CNPY2: variants seen among roughly 807,000 people sequenced by gnomAD.
CNPY2 encodes protein canopy homolog 2.
CNPY2 carries 19 observed loss-of-function variants against 25.5 expected under a neutral mutation model. That is an observed-to-expected ratio of 0.74 (90% CI 0.52 to 1.09). CNPY2 has a LOEUF of 1.09. CNPY2 is among the 50% of genes least tolerant of loss of function. The probability of loss-of-function intolerance (pLI) is 0.00; values close to 1 mark genes in which losing one functional copy is unlikely to be tolerated. For synonymous variants in CNPY2, 82 were observed against 85.0 expected (o/e 0.96, Z 0.19); for missense variants, 214 against 233.6 (o/e 0.92, Z 0.55).
Position 56,311,063 on chromosome 12 carries a change from C to A in CNPY2, c.409-9G>T. The A allele has an allele frequency of 6.2e-7, 1 of 1,613,870 alleles. No homozygotes were observed. The highest frequency in any genetic ancestry group is 8.5e-7 in the Non-Finnish European group (1 of 1,179,898). On this transcript the variant is annotated splice_polypyrimidine_tract_variant and intron_variant, in intron 4 of 5. Coordinates refer to ENST00000273308, the MANE Select transcript of CNPY2 (RefSeq NM_014255.7). ...TCCACAATGCTCTCACACTGCCAACCCAAGGGAGAAATGGGTGACACAGGG... is the reference window on the plus strand; with the variant it reads ...TCCACAATGCTCTCACACTGCCAACACAAGGGAGAAATGGGTGACACAGGG...
At chr12:56,315,297 T>C in intron 1 of CNPY2, 55 bp from the exon 2 acceptor site, 1 of 1,067,372 alleles carries the variant, frequency 9.4e-7, no homozygotes, top group Non-Finnish European at 1.4e-6. Context: ...CATTTTTCCC[T>C]GACCCCCCCA....
At position 56,310,608 on chromosome 12, in the gene CNPY2, A is replaced by T. The variant is rs1188973634; in HGVS notation, c.506-13T>A. The T allele has an allele frequency of 6.2e-7, 1 of 1,614,150 alleles. No individual in the cohort carries two copies. Among genetic ancestry groups the T allele is most frequent in the Non-Finnish European group, 8.5e-7 (1 of 1,179,960 alleles). On this transcript the variant is annotated splice_polypyrimidine_tract_variant and intron_variant, in intron 5 of 5. Coordinates refer to ENST00000273308, the MANE Select transcript of CNPY2 (RefSeq NM_014255.7). ...TGGTCACAAAGATCTGCAAATGGCA[A>T]ACAATTTAAAGGAATATGCCATTCT...
intron 3 of CNPY2, chr12:56,314,562 T>C (rs1331627045): frequency 3.2e-6 from 4 of 1,268,976 alleles, no homozygotes; most frequent in African/African-American, 1.5e-5. Flanking sequence ...TGTTTGCATG[T>C]ATACCACAGT....
rs1393900540 is a variant in CNPY2, at chr12:56,315,304, C to G, written c.-25-62G>C. ...GCCGACTCCATTTTTCCCTGACCCC[C>G]CCAATCCTCACCCCAAGGCTTTCAA... On this transcript the variant is annotated intron_variant, in intron 1 of 5. Transcript: ENST00000273308. 3 of 960,866 alleles carry G rather than the reference C, an allele frequency of 3.1e-6. No homozygotes were observed. In the Admixed American group the frequency reaches 6.6e-5, roughly 21 times the overall value. 59.5% of individuals were successfully genotyped at this position (960,866 alleles called of 1,614,324 possible). A position where few individuals can be genotyped will look rare whatever the true frequency, so the allele number is the denominator to read the frequency against.
In CNPY2 at chr12:56,314,964, A is replaced by C; in HGVS notation, c.91T>G (p.Cys31Gly). 6.2e-7 allele frequency: 1 copy of C among 1,614,094 alleles called. No individual in the cohort carries two copies. The highest frequency in any genetic ancestry group is 8.5e-7 in the Non-Finnish European group (1 of 1,179,982). Residue 31 changes from cysteine to glycine, a missense_variant and splice_region_variant, in exon 3 of 6, where the codon TGC (cysteine) becomes GGC (glycine). Physicochemically the swap from Cys to Gly is radical, Grantham distance 159. Transcript: ENST00000273308. ...TCTAGTTCATCCACCAGAGCCCTGC[A>C]TGCTGGTGGAAGAGGAGAGAATGAG... ...RRSQDLHCGA[C>G]RALVDELEWE...
rs781336836 is a variant in CNPY2, at chr12:56,311,046, GCT to G, written c.415_416del (p.Ser139HisfsTer8). ...GTTCATCCTCGTATTCCTCCACAAT[GCT>G]CTCACACTGCCAACCCAAGGGAGAA... ...ISGTLKFACE[S>X]IVEEYEDELI... On this transcript the variant is annotated frameshift_variant, in exon 5 of 6. Coordinates refer to ENST00000273308, the MANE Select transcript of CNPY2 (RefSeq NM_014255.7). LOFTEE classifies it high-confidence loss of function. 2 of 1,613,914 alleles carry G rather than the reference GCT, an allele frequency of 1.2e-6. No homozygotes were observed. Among genetic ancestry groups the G allele is most frequent in the Non-Finnish European group, 1.7e-6 (2 of 1,180,008 alleles).
chr12:56,316,170 G>C (rs1343447649), upstream of CNPY2: 2 of 152,706 alleles, frequency 1.3e-5, no homozygotes, highest in Non-Finnish European at 2.9e-5. Context: ...GACTTGCGTG[G>C]CGAACAGATC....
chr12:56,315,161 C>G lies in CNPY2; in HGVS notation c.57G>C (p.Trp19Cys). ...LLLGALLGTA[W>C]ARRSQDLHCG... Reference sequence around the variant, plus strand: ...AGTGGAGATCCTGGCTCCTCCGAGCCCAGGCGGTTCCCAGCAGGGCCCCCA... The same window carrying G: ...AGTGGAGATCCTGGCTCCTCCGAGCGCAGGCGGTTCCCAGCAGGGCCCCCA... Residue 19 changes from tryptophan to cysteine, a missense_variant, in exon 2 of 6, where the codon TGG becomes TGC. Coordinates refer to ENST00000273308, the MANE Select transcript of CNPY2 (RefSeq NM_014255.7). The G allele has an allele frequency of 1.2e-6, 2 of 1,614,144 alleles. No individual in the cohort carries two copies. Among genetic ancestry groups the G allele is most frequent in the Non-Finnish European group, 1.7e-6 (2 of 1,180,016 alleles).
intron 3 of CNPY2, 46 bp from the exon 4 acceptor site, chr12:56,311,460 AT>A: frequency 6.5e-7 from 1 of 1,549,776 alleles, no homozygotes. Context: ...ACCTCTGTAC[AT>A]TAGTAATTTA....
intron 5 of CNPY2, 40 bp from the exon 6 acceptor site, chr12:56,310,635 A>C: frequency 6.2e-7 from 1 of 1,609,542 alleles, no homozygotes; most frequent in Non-Finnish European, 8.5e-7. Context: ...TGCCATTCTC[A>C]TACTGATATC....
At chr12:56,315,477 C>A (rs922482638) in intron 1 of CNPY2, among the ~76,000 whole-genome samples, 1 of 152,212 alleles carries the variant, frequency 6.6e-6, no homozygotes, top group African/African-American at 2.4e-5. Flanking sequence ...CCAGACTCTA[C>A]GTGGATAGGT....
chr12:56,310,939 TAA>T lies in CNPY2; in HGVS notation c.505+17_505+18del. ...TCCACAGAGCTACTAGAACAGGAGATAAAGTGGGGGCAGCTTACCTGTTCGCT... is the reference window on the plus strand; with the variant it reads ...TCCACAGAGCTACTAGAACAGGAGATAGTGGGGGCAGCTTACCTGTTCGCT... On this transcript the variant is annotated intron_variant, in intron 5 of 5. Transcript: ENST00000273308. 6.2e-7 allele frequency: 1 copy of T among 1,608,848 alleles called. No homozygotes were observed. The highest frequency in any genetic ancestry group is 8.5e-7 in the Non-Finnish European group (1 of 1,175,508).
chr12:56,312,979 G>A (rs1873765278), intron 3 of CNPY2: 1 of 152,162 alleles, frequency 6.6e-6, no homozygotes, highest in Non-Finnish European at 1.5e-5. Context: ...TATAGATGAA[G>A]ATAATTTTTT....
rs1384723033 is a variant in CNPY2, at chr12:56,309,888, A to C, written c.*664T>G. 5.7e-6 allele frequency: 4 copies of C among 701,850 alleles called. No homozygotes were observed. Among genetic ancestry groups the C allele is most frequent in the African/African-American group, 1.7e-5 (1 of 57,240 alleles). 43.5% of individuals were successfully genotyped at this position (701,850 alleles called of 1,614,324 possible). On this transcript the variant is annotated 3_prime_UTR_variant, in exon 6 of 6. Coordinates refer to ENST00000273308, the MANE Select transcript of CNPY2 (RefSeq NM_014255.7). ...TTGTTGCCACTGGCATCAAATTTAA[A>C]AGCTTAGGCTGGCAAGCAAGGCCTC...
At position 56,310,503 on chromosome 12, in the gene CNPY2, T is replaced by TC; in HGVS notation, c.*48dup. 1 of 1,592,218 alleles carries TC rather than the reference T, an allele frequency of 6.3e-7. No individual in the cohort carries two copies. The highest frequency in any genetic ancestry group is 8.6e-7 in the Non-Finnish European group (1 of 1,160,512). On this transcript the variant is annotated 3_prime_UTR_variant, in exon 6 of 6. Coordinates refer to ENST00000273308, the MANE Select transcript of CNPY2 (RefSeq NM_014255.7). ...TATATAAAAGGCATTGCCACCATTT[T>TC]CCCCTCCTGGGGGTGATCCATCAAG...
intron 2 of CNPY2, 61 bp downstream of exon 2, chr12:56,315,069 T>C (rs1873857559): frequency 3.7e-6 from 6 of 1,600,676 alleles, no homozygotes; most frequent in Non-Finnish European, 5.1e-6. Flanking sequence ...TCCCAGGCCT[T>C]GGATCTCATG....
Position 56,311,035 on chromosome 12 carries a change from T to G in CNPY2, c.428A>C (p.Glu143Ala). 6.2e-7 allele frequency: 1 copy of G among 1,614,134 alleles called. No homozygotes were observed. The highest frequency in any genetic ancestry group is 8.5e-7 in the Non-Finnish European group (1 of 1,180,036). Residue 143 changes from glutamate (E) to alanine (A), a missense_variant, in exon 5 of 6, where the codon GAA (glutamate) becomes GCA (alanine). Physicochemically the swap from Glu to Ala is moderately radical, Grantham distance 107 (BLOSUM62 -1). Transcript: ENST00000273308. ...GAATTCAATGAGTTCATCCTCGTATTCCTCCACAATGCTCTCACACTGCCA... is the reference window on the plus strand; with the variant it reads ...GAATTCAATGAGTTCATCCTCGTATGCCTCCACAATGCTCTCACACTGCCA... ...LKFACESIVE[E>A]YEDELIEFFS...
rs1407851903 is a variant in CNPY2 at position 56,311,317 on chromosome 12, T to C, written c.302A>G (p.His101Arg). 1.1e-5 allele frequency: 17 copies of C among 1,614,082 alleles called. No individual in the cohort carries two copies. The highest frequency in any genetic ancestry group is 1.4e-5 in the Non-Finnish European group (16 of 1,180,050). ...EYGEQIDPST[H>R]RKNYVRVVGR... is the part of the protein sequence containing the mutation. ...CACTACACGTACGTAGTTCTTGCGA[T>C]GGGTGGAAGGATCAATCTGTTCCCC... Residue 101 changes from histidine (H) to arginine (R), a missense_variant, in exon 4 of 6, where the codon CAT becomes CGT. Physicochemically the swap from His to Arg is conservative, Grantham distance 29 (BLOSUM62 0). Coordinates refer to ENST00000273308, the MANE Select transcript of CNPY2 (RefSeq NM_014255.7).
chr12:56,310,532 G>C lies in CNPY2; in HGVS notation c.*20C>G, dbSNP rs1483722632. 1 of 1,613,744 alleles carries C rather than the reference G, an allele frequency of 6.2e-7. No homozygotes were observed. Among genetic ancestry groups the C allele is most frequent in the Non-Finnish European group, 8.5e-7 (1 of 1,179,616 alleles). The stretch of plus-strand genomic sequence containing the variant: ...CTCCTGGGGGTGATCCATCAAGCCA[G>C]TGTGGGCTGCTCCAGTGGTTCATAG... On this transcript the variant is annotated 3_prime_UTR_variant, in exon 6 of 6. Transcript: ENST00000273308.
Sources: allele counts gnomAD v4.1 joint callset (sites outside exome capture counted in the v4.1 genomes callset), GRCh38; gene constraint gnomAD v4.1.1; transcripts MANE v1.5; gene names NCBI Gene and HGNC (gene_info 2026-07-23, HGNC 2026-07-21).